The following MS4A10 variants were observed in gnomAD, a reference collection of about 807,000 sequenced individuals.
MS4A10 encodes the protein membrane spanning 4-domains A10.
MS4A10 carries 27 observed loss-of-function variants against 27.7 expected under a neutral mutation model. The ratio of observed to expected loss-of-function variants is 0.98; its 90% CI spans 0.72 to 1.35. The LOEUF (loss-of-function observed/expected upper bound fraction) is 1.35. MS4A10 is among the 40% of genes most tolerant of loss of function. MS4A10 has a pLI of 0.00. For synonymous variants in MS4A10, 139 were observed against 131.2 expected (o/e 1.06, Z -0.41); for missense variants, 338 against 324.7 (o/e 1.04, Z -0.32).
At chr11:60,790,734 G>T (rs998392246) in intron 2 of MS4A10, among the ~76,000 whole-genome samples, 6 of 152,204 alleles carry the variant, frequency 3.9e-5, no homozygotes, top group African/African-American at 1.4e-4. Context: ...CCTGTCCTGG[G>T]GAGAATGGCA....
At chr11:60,798,366 G>A (rs920426139) in intron 6 of MS4A10, 30 bp from the exon 7 acceptor site, 4 of 1,536,362 alleles carry the variant, frequency 2.6e-6, no homozygotes. Flanking sequence ...ACAGCTGTGA[G>A]CAGCAGGGGC....
rs1565080560 is a variant in MS4A10, at chr11:60,790,293, GC to G, written c.-22-19del. The G allele has an allele frequency of 6.2e-7, 1 of 1,603,222 alleles. No homozygotes were observed. Among genetic ancestry groups the G allele is most frequent in the Non-Finnish European group, 8.5e-7 (1 of 1,172,532 alleles). On this transcript the variant is annotated intron_variant, in intron 1 of 7. Coordinates refer to ENST00000308287, the MANE Select transcript of MS4A10 (RefSeq NM_206893.4). The stretch of plus-strand genomic sequence containing the variant: ...CTCAGAAATGAGACGGGTTCTGACG[GC>G]CTTCCTCCCCGTCCTGCAGCCAGGG...
intron 1 of MS4A10, among the ~76,000 whole-genome samples, chr11:60,789,328 C>A (rs372641250): frequency 6.6e-6 from 1 of 152,204 alleles, no homozygotes; most frequent in Non-Finnish European, 1.5e-5. Flanking sequence ...CCCTTTCTTC[C>A]CCGCCCAGCT....
chr11:60,798,095 T>C, intron 6 of MS4A10, among the ~76,000 whole-genome samples: 1 of 152,144 alleles, frequency 6.6e-6, no homozygotes, highest in East Asian at 1.9e-4. Context: ...CCAGCCCCCC[T>C]CAGGAAACCC....
At chr11:60,789,453 A>C (rs1854390742) in intron 1 of MS4A10, among the ~76,000 whole-genome samples, 1 of 152,224 alleles carries the variant, frequency 6.6e-6, no homozygotes, top group Admixed American at 6.5e-5. Flanking sequence ...CCCTGTCTGC[A>C]GGTCGTGTGT....
chr11:60,796,128 A>G (rs1278620708), intron 6 of MS4A10, among the ~76,000 whole-genome samples: 1 of 152,168 alleles, frequency 6.6e-6, no homozygotes, highest in African/African-American at 2.4e-5. Flanking sequence ...AACAAGTGAC[A>G]GAGTCATCAA....
At chr11:60,791,236 C>T (rs868411333) in intron 3 of MS4A10, 143 bp downstream of exon 3, 4 of 1,077,494 alleles carry the variant, frequency 3.7e-6, no homozygotes, top group Middle Eastern at 2.2e-4. Context: ...TCCAGTGTTC[C>T]TAGCTCTGCT....
At chr11:60,793,894 A>G (rs1565082102) in intron 4 of MS4A10, 78 bp from the exon 5 acceptor site, 18 of 1,519,810 alleles carry the variant, frequency 1.2e-5, no homozygotes, top group Non-Finnish European at 1.6e-5. Context: ...AGAGGAAGCT[A>G]CTGGCAAGCA....
chr11:60,791,565 C>A (rs1854431304), intron 3 of MS4A10, among the ~76,000 whole-genome samples: 1 of 152,092 alleles, frequency 6.6e-6, no homozygotes. Flanking sequence ...GCACCATTTC[C>A]CAGAAGCTCT....
chr11:60,794,248 C>T, intron 5 of MS4A10, 145 bp downstream of exon 5: 1 of 895,194 alleles, frequency 1.1e-6, no homozygotes. Context: ...GTTTCTGTCC[C>T]CTACAAGGTG....
Position 60,795,599 on chromosome 11 carries a change from C to A in MS4A10, c.537C>A (p.Val179=). 1 of 1,595,160 alleles carries A rather than the reference C, an allele frequency of 6.3e-7. No homozygotes were observed. The highest frequency in any genetic ancestry group is 1.7e-5 in the Admixed American group (1 of 57,832). ...RLELALLCFT[V]LELFLPVPTA... ...AGCTGGCCTTGCTCTGCTTCACTGT[C>A]CTAGAGCTCTTCCTGCCAGTGCCCA... The change falls in exon 6 of 8, where the codon GTC becomes GTA. Residue 179 remains valine (V), a synonymous_variant. Transcript: ENST00000308287.
chr11:60,798,170 A>G (rs1854563088), intron 6 of MS4A10, among the ~76,000 whole-genome samples: 1 of 152,216 alleles, frequency 6.6e-6, no homozygotes, highest in Non-Finnish European at 1.5e-5. Context: ...CCAGAGCCCC[A>G]TCCAGTGACT....
intron 6 of MS4A10, among the ~76,000 whole-genome samples, chr11:60,798,045 C>T (rs865878650): frequency 9.8e-5 from 15 of 152,336 alleles, no homozygotes; most frequent in Middle Eastern, 3.4e-3. Flanking sequence ...TAGACCTGCC[C>T]CTAGAGTGTA....
chr11:60,795,696 CA>C (rs772943494), intron 6 of MS4A10, 31 bp downstream of exon 6: 8 of 1,433,196 alleles, frequency 5.6e-6, no homozygotes, highest in African/African-American at 2.9e-5. Flanking sequence ...CCCAGGAAGA[CA>C]AAAAATGGGG....
chr11:60,799,717 T>C, intron 7 of MS4A10, 111 bp from the exon 8 acceptor site: 1 of 680,286 alleles, frequency 1.5e-6, no homozygotes, highest in South Asian at 1.7e-5. Flanking sequence ...GAATCTTTAC[T>C]GGGCCACTGA....
intron 7 of MS4A10, among the ~76,000 whole-genome samples, chr11:60,799,359 G>A (rs1208022483): frequency 1.3e-5 from 2 of 152,078 alleles, no homozygotes; most frequent in African/African-American, 4.8e-5. Context: ...CAGGACTTTT[G>A]CTTATTTGTG....
At chr11:60,797,762 A>G (rs1413637023) in intron 6 of MS4A10, among the ~76,000 whole-genome samples, 1 of 152,220 alleles carries the variant, frequency 6.6e-6, no homozygotes, top group Non-Finnish European at 1.5e-5. Context: ...CTACTGCACT[A>G]GCTAAGATGT....
At chr11:60,792,456 C>A (rs537829351) in intron 4 of MS4A10, 135 bp downstream of exon 4, 48 of 689,922 alleles carry the variant, frequency 7.0e-5, no homozygotes, top group Middle Eastern at 2.5e-4. Context: ...TTCAGGACAG[C>A]AGAGGATGTC....
rs190349973 is a variant in MS4A10, at chr11:60,788,982, G to A, written c.-22-1332G>A. ...AAAACTGCCTCCTGGCACAGTGCCC[G>A]GCATACAGTGCTCACCCAACTGTGA... On this transcript the variant is annotated intron_variant, in intron 1 of 7. Transcript: ENST00000308287. Among the ~76,000 whole-genome samples the A allele has an allele frequency of 3.6e-3, 545 of 152,290 alleles. 5 individuals are homozygous for A. Among genetic ancestry groups the A allele is most frequent in the South Asian group, 0.017 (84 of 4,820 alleles).
Sources: gnomAD v4.1 joint callset for allele counts (sites outside exome capture counted in the v4.1 genomes callset) on GRCh38, gnomAD v4.1.1 for gene constraint, MANE v1.5 for transcripts, NCBI Gene and HGNC (gene_info 2026-07-23, HGNC 2026-07-21) for gene names.